Variants in KIAA1328 observed in about 807,000 individuals in gnomAD.
KIAA1328 encodes the protein protein hinderin.
A neutral mutation model predicts 68.1 loss-of-function variants in KIAA1328; 52 were observed. The observed-to-expected ratio is 0.76, with a 90% confidence interval of 0.61 to 0.96. KIAA1328 has a LOEUF of 0.96. KIAA1328 is among the 40% of genes least tolerant of loss of function. The pLI, the probability that KIAA1328 is intolerant of heterozygous loss-of-function variation, is 0.00. For missense variants in KIAA1328, 641 were observed against 677.6 expected (o/e 0.95, Z 0.60); for synonymous variants, 232 against 239.4 (o/e 0.97, Z 0.28).
rs1377332964 is a variant in KIAA1328 at position 37,103,514 on chromosome 18, TAA to T, written c.1232+35971_1232+35972del. 2.6e-5 allele frequency among the ~76,000 whole-genome samples: 4 copies of T among 152,112 alleles called. No individual in the cohort carries two copies. In the East Asian group the frequency reaches 7.7e-4, roughly 29 times the overall value. On this transcript the variant is annotated intron_variant, in intron 7 of 9. Transcript: ENST00000280020. The stretch of plus-strand genomic sequence containing the variant: ...AGGCAAAAATCAACTCACAATGGAT[TAA>T]AGAGTTAAACATAAGACCTGAAATT...
At chr18:37,226,725 T>C (rs999810018), downstream of KIAA1328, among the ~76,000 whole-genome samples, 1 of 151,440 alleles carries the variant, frequency 6.6e-6, no homozygotes, top group Non-Finnish European at 1.5e-5. Context: ...CTTTTTTTTT[T>C]TTTTTTTTGT....
chr18:36,917,445 C>T (rs560604723), intron 5 of KIAA1328, among the ~76,000 whole-genome samples: 1 of 152,204 alleles, frequency 6.6e-6, no homozygotes, highest in Admixed American at 6.5e-5. Flanking sequence ...CGGTCTTGAA[C>T]TTGTGGCCTC....
chr18:37,076,513 A>G (rs2056741348), intron 7 of KIAA1328, among the ~76,000 whole-genome samples: 1 of 151,926 alleles, frequency 6.6e-6, no homozygotes, highest in African/African-American at 2.4e-5. Flanking sequence ...TAGAGACACA[A>G]AAAACCCTTC....
At chr18:36,910,403 T>G (rs1342468438) in intron 5 of KIAA1328, among the ~76,000 whole-genome samples, 1 of 152,232 alleles carries the variant, frequency 6.6e-6, no homozygotes, top group Admixed American at 6.5e-5. Context: ...TCTTGTTTTT[T>G]TCAGGTTTGT....
chr18:37,120,440 C>T (rs1018345504), intron 7 of KIAA1328, among the ~76,000 whole-genome samples: 2 of 151,858 alleles, frequency 1.3e-5, no homozygotes, highest in African/African-American at 4.8e-5. Flanking sequence ...TCAACTTGAC[C>T]TTATAGGAAA....
intron 7 of KIAA1328, among the ~76,000 whole-genome samples, chr18:37,106,698 C>T (rs538199097): frequency 2.0e-5 from 3 of 152,242 alleles, no homozygotes; most frequent in African/African-American, 7.2e-5. Flanking sequence ...AGGCATAAGC[C>T]ACTGCACCTG....
At chr18:36,946,898 T>TA (rs2050924740) in intron 5 of KIAA1328, among the ~76,000 whole-genome samples, 4 of 152,124 alleles carry the variant, frequency 2.6e-5, no homozygotes, top group African/African-American at 7.2e-5. Context: ...ATGACAAGCA[T>TA]AAAAATGATA....
At chr18:36,909,342 C>G (rs1046862002) in intron 5 of KIAA1328, among the ~76,000 whole-genome samples, 1 of 129,918 alleles carries the variant, frequency 7.7e-6, no homozygotes, top group Non-Finnish European at 1.5e-5. Context: ...TCCACGTGTT[C>G]TCATTGTTCA....
At chr18:37,208,016 C>T (rs1224872320) in intron 9 of KIAA1328, among the ~76,000 whole-genome samples, 1 of 152,058 alleles carries the variant, frequency 6.6e-6, no homozygotes, top group Admixed American at 6.5e-5. Flanking sequence ...ACCATGTTGG[C>T]CAGGCTGGTC....
At chr18:37,026,909 A>G (rs1038483918) in intron 6 of KIAA1328, among the ~76,000 whole-genome samples, 13 of 152,192 alleles carry the variant, frequency 8.5e-5, no homozygotes, top group Non-Finnish European at 1.0e-4. Flanking sequence ...AGGGTATTCA[A>G]TTAAGAAAAA....
At chr18:36,970,419 C>T (rs2052143355) in intron 6 of KIAA1328, among the ~76,000 whole-genome samples, 1 of 152,304 alleles carries the variant, frequency 6.6e-6, no homozygotes, top group East Asian at 1.9e-4. Flanking sequence ...TCTCTCTCAC[C>T]ACTCTTACTC....
chr18:37,095,157 T>C (rs2057369925), intron 7 of KIAA1328, among the ~76,000 whole-genome samples: 1 of 152,164 alleles, frequency 6.6e-6, no homozygotes, highest in Non-Finnish European at 1.5e-5. Flanking sequence ...ACACTCCACT[T>C]TCAGCATTGA....
At chr18:37,040,217 C>A (rs1239294041) in intron 6 of KIAA1328, among the ~76,000 whole-genome samples, 2 of 152,188 alleles carry the variant, frequency 1.3e-5, no homozygotes, top group Non-Finnish European at 2.9e-5. Context: ...TTAGTAGCAA[C>A]AAAGATGAAG....
In KIAA1328 at chr18:37,004,819, A is replaced by T. The variant is rs547423509; in HGVS notation, c.576+45384A>T. 2.0e-5 allele frequency among the ~76,000 whole-genome samples: 3 copies of T among 152,136 alleles called. No individual in the cohort carries two copies. The East Asian group carries it at 5.8e-4, about 29-fold the overall frequency. On this transcript the variant is annotated intron_variant, in intron 6 of 9. Transcript: ENST00000280020. ...TGCACATGCACGTTTATAACAGCACAATTCACAATTGCAAAAATATGGAAC... is the reference window on the plus strand; with the variant it reads ...TGCACATGCACGTTTATAACAGCACTATTCACAATTGCAAAAATATGGAAC...
intron 4 of KIAA1328, among the ~76,000 whole-genome samples, chr18:36,880,755 C>T (rs1347306506): frequency 1.3e-5 from 2 of 151,880 alleles, no homozygotes; most frequent in Non-Finnish European, 2.9e-5. Flanking sequence ...GGTAGTTTCT[C>T]CTGTTCCTAG....
At chr18:36,883,620 G>A (rs1032643039) in intron 4 of KIAA1328, among the ~76,000 whole-genome samples, 5 of 152,118 alleles carry the variant, frequency 3.3e-5, no homozygotes, top group African/African-American at 1.2e-4. Flanking sequence ...TACCCATAGG[G>A]TAATGTCGAT....
At chr18:36,857,817 C>T (rs940879208) in intron 4 of KIAA1328, among the ~76,000 whole-genome samples, 8 of 152,070 alleles carry the variant, frequency 5.3e-5, no homozygotes, top group Non-Finnish European at 1.2e-4. Context: ...TTCCAGAAAA[C>T]TTTTTAAAAA....
chr18:37,125,236 G>C (rs1406561288), intron 7 of KIAA1328, among the ~76,000 whole-genome samples: 2 of 151,986 alleles, frequency 1.3e-5, no homozygotes, highest in Non-Finnish European at 2.9e-5. Context: ...AGGAGGATCA[G>C]CTGAACCTGG....
At chr18:36,985,418 A>G (rs914838250) in intron 6 of KIAA1328, among the ~76,000 whole-genome samples, 1 of 152,312 alleles carries the variant, frequency 6.6e-6, no homozygotes, top group Non-Finnish European at 1.5e-5. Context: ...ACCCAAAACA[A>G]TGTTGAAAAA....
Sources: allele counts gnomAD v4.1 joint callset (sites outside exome capture counted in the v4.1 genomes callset), GRCh38; gene constraint gnomAD v4.1.1; transcripts MANE v1.5; gene names NCBI Gene and HGNC (gene_info 2026-07-23, HGNC 2026-07-21).